The following AKAP12 variants were observed in gnomAD, a reference collection of about 807,000 sequenced individuals.
AKAP12 encodes A-kinase anchor protein 12.
A neutral mutation model predicts 79.9 loss-of-function variants in AKAP12; 32 were observed. That is an observed-to-expected ratio of 0.40 (90% CI 0.30 to 0.54). The LOEUF (loss-of-function observed/expected upper bound fraction) is 0.54, where lower values mean the gene tolerates loss of function less well. Among genes scored for constraint, AKAP12 ranks in the 20% least tolerant of loss-of-function variants. The pLI is 0.48. For synonymous variants in AKAP12, 808 were observed against 857.0 expected, an observed-to-expected ratio of 0.94 and a Z score of 1.00; for missense variants, 2,074 against 2,177.0, an observed-to-expected ratio of 0.95 and a Z score of 0.94.
At chr6:151,326,821 T>TG (rs1777540897) in intron 3 of AKAP12, among the ~76,000 whole-genome samples, 2 of 151,384 alleles carry the variant, frequency 1.3e-5, no homozygotes, top group South Asian at 2.1e-4. Context: ...TTTGTTTGTT[T>TG]TTTGTTTGTT....
chr6:151,249,089 A>C (rs748273829), intron 2 of AKAP12, among the ~76,000 whole-genome samples: 5 of 152,144 alleles, frequency 3.3e-5, no homozygotes, highest in African/African-American at 1.2e-4. Flanking sequence ...ACTGAGCCAG[A>C]AGCTGTGACT....
intron 3 of AKAP12, among the ~76,000 whole-genome samples, chr6:151,346,544 C>T (rs573813837): frequency 3.3e-5 from 5 of 152,306 alleles, no homozygotes; most frequent in African/African-American, 9.6e-5. Flanking sequence ...ACCTTTTGGT[C>T]AGGAATGCCA....
intron 3 of AKAP12, among the ~76,000 whole-genome samples, chr6:151,326,527 T>C (rs1479712585): frequency 6.6e-6 from 1 of 151,572 alleles, no homozygotes; most frequent in African/African-American, 2.4e-5. Context: ...AAAAAGTATG[T>C]TTCTTTAGCT....
chr6:151,282,615 CG>C (rs1433330221), intron 2 of AKAP12, among the ~76,000 whole-genome samples: 1 of 152,086 alleles, frequency 6.6e-6, no homozygotes, highest in African/African-American at 2.4e-5. Flanking sequence ...TTGGTTGCTG[CG>C]GGGGAAGGAT....
At chr6:151,327,374 TA>T (rs1777555701) in intron 3 of AKAP12, among the ~76,000 whole-genome samples, 1 of 152,166 alleles carries the variant, frequency 6.6e-6, no homozygotes, top group Non-Finnish European at 1.5e-5. Context: ...TCGAAACTAT[TA>T]ATAAATAGAC....
rs781225876 is a variant in AKAP12, at chr6:151,350,600, C to A, written c.2209C>A (p.Pro737Thr). ...GILAGSQEHDPGQGSSSPEQA... is the reference protein window; with the variant it reads ...GILAGSQEHDTGQGSSSPEQA... ...CCTTGCTGGTTCCCAAGAACATGAT[C>A]CAGGGCAGGGAAGTTCCTCCCCGGA... The change falls in exon 4 of 5, where the codon CCA becomes ACA. Residue 737 changes from proline to threonine, a missense_variant. Around this residue, in one of 3 missense-constraint regions of AKAP12, gnomAD observed 1,428 missense variants for 1,451.0 expected, o/e 0.98. Transcript: ENST00000402676. This position sits in a 1 kb window ranked among gnomAD's most constrained non-coding sequence, Gnocchi z 4.8. 6.2e-7 allele frequency: 1 copy of A among 1,614,006 alleles called. No individual in the cohort carries two copies. Among genetic ancestry groups the A allele is most frequent in the Non-Finnish European group, 8.5e-7 (1 of 1,180,010 alleles).
At chr6:151,347,863 C>A (rs1778142000) in intron 3 of AKAP12, among the ~76,000 whole-genome samples, 1 of 147,830 alleles carries the variant, frequency 6.8e-6, no homozygotes, top group Non-Finnish European at 1.5e-5. Flanking sequence ...ATGGTGAAAC[C>A]CCTCCCATAC....
chr6:151,347,252 C>T (rs1778125023), intron 3 of AKAP12, among the ~76,000 whole-genome samples: 1 of 152,236 alleles, frequency 6.6e-6, no homozygotes, highest in Admixed American at 6.5e-5. Context: ...TCCTCTGACC[C>T]AGCCTGGAAT....
At chr6:151,261,461 C>T (rs1319025548) in intron 2 of AKAP12, among the ~76,000 whole-genome samples, 1 of 151,790 alleles carries the variant, frequency 6.6e-6, no homozygotes, top group Admixed American at 6.6e-5. Context: ...GAGGCAGAGG[C>T]GGGTGGATCA....
chr6:151,341,663 T>C (rs1401921538), intron 3 of AKAP12: 4 of 1,145,836 alleles, frequency 3.5e-6, no homozygotes, highest in Non-Finnish European at 4.4e-6. Flanking sequence ...GCGCGCGCCA[T>C]GCCCTGGTGG....
At chr6:151,332,034 T>TGTTTTTG (rs1554331207) in intron 3 of AKAP12, among the ~76,000 whole-genome samples, 6 of 100,578 alleles carry the variant, frequency 6.0e-5, no homozygotes, top group East Asian at 6.8e-4. Flanking sequence ...TCTGGGTCTG[T>TGTTTTTG]TTTTTTTTTT....
Position 151,349,910 on chromosome 6 carries a change from G to A in AKAP12, c.1519G>A (p.Glu507Lys). The A allele has an allele frequency of 1.2e-6, 2 of 1,614,150 alleles. No individual in the cohort carries two copies. Among genetic ancestry groups the A allele is most frequent in the Non-Finnish European group, 1.7e-6 (2 of 1,180,028 alleles). Residue 507 changes from glutamate (E) to lysine (K), a missense_variant, in exon 4 of 5, where the codon GAG becomes AAG. Coordinates refer to ENST00000402676, the MANE Select transcript of AKAP12 (RefSeq NM_005100.4). ...TGAGGTGGAAATGCTGTCATCACAG[G>A]AGAGAATGAAGGTGCAGGGAAGTCC... ...VSEVEMLSSQ[E>K]RMKVQGSPLK... is the part of the protein sequence containing the mutation.
intron 2 of AKAP12, among the ~76,000 whole-genome samples, chr6:151,279,755 A>T (rs910440821): frequency 2.0e-5 from 3 of 151,938 alleles, no homozygotes; most frequent in African/African-American, 7.2e-5. Context: ...CTGAAGTGGG[A>T]GGATTGCTTG....
At chr6:151,287,012 C>T (rs1385686120) in intron 2 of AKAP12, among the ~76,000 whole-genome samples, 3 of 151,466 alleles carry the variant, frequency 2.0e-5, no homozygotes, top group Non-Finnish European at 4.4e-5. Flanking sequence ...GATCTCGGCT[C>T]ACTGCTCACC....
chr6:151,314,538 T>G (rs943960503), intron 3 of AKAP12, among the ~76,000 whole-genome samples: 1 of 152,142 alleles, frequency 6.6e-6, no homozygotes, highest in Admixed American at 6.6e-5. Context: ...GTCAGGACTA[T>G]GTAATAGGGA....
intron 4 of AKAP12, 50 bp downstream of exon 4, chr6:151,353,802 T>C (rs960933672): frequency 7.6e-7 from 1 of 1,316,534 alleles, no homozygotes; most frequent in Non-Finnish European, 1.0e-6. Context: ...TGCCAATAGA[T>C]GGCAAATTTG....
At chr6:151,252,196 T>C (rs1431788817) in intron 2 of AKAP12, among the ~76,000 whole-genome samples, 1 of 151,364 alleles carries the variant, frequency 6.6e-6, no homozygotes, top group Non-Finnish European at 1.5e-5. Context: ...GTCAAGTTTC[T>C]TTCTTTTTTT....
chr6:151,314,433 C>G (rs1777192780), intron 3 of AKAP12, among the ~76,000 whole-genome samples: 1 of 152,206 alleles, frequency 6.6e-6, no homozygotes, highest in African/African-American at 2.4e-5. Context: ...ACATAATCCT[C>G]TTGGTGTCAA....
intron 2 of AKAP12, among the ~76,000 whole-genome samples, chr6:151,246,279 G>T (rs1461654669): frequency 6.6e-6 from 1 of 152,166 alleles, no homozygotes; most frequent in Non-Finnish European, 1.5e-5. Flanking sequence ...TTAGCTGGGT[G>T]TGGTGGCAGG....
Sources: gnomAD v4.1 joint callset for allele counts (sites outside exome capture counted in the v4.1 genomes callset) on GRCh38, gnomAD v4.1.1 for gene constraint, gnomAD v4.1.1 regional missense constraint, Gnocchi (gnomAD v3.1) non-coding constraint, MANE v1.5 for transcripts, NCBI Gene and HGNC (gene_info 2026-07-23, HGNC 2026-07-21) for gene names.